Variants in KDM4C observed in about 807,000 individuals in gnomAD.
The protein encoded by KDM4C is lysine-specific demethylase 4C.
KDM4C carries 81 observed loss-of-function variants against 129.3 expected under a neutral mutation model. The ratio of observed to expected loss-of-function variants is 0.63; its 90% CI spans 0.52 to 0.75. The LOEUF (loss-of-function observed/expected upper bound fraction) is 0.75. KDM4C is among the 30% of genes least tolerant of loss of function. The probability of loss-of-function intolerance (pLI) is 0.00; values close to 1 mark genes in which losing one functional copy is unlikely to be tolerated. For synonymous variants in KDM4C, 573 were observed against 456.1 expected (o/e 1.26, Z -3.26); for missense variants, 1,457 against 1,304.0 (o/e 1.12, Z -1.81).
intron 18 of KDM4C, among the ~76,000 whole-genome samples, chr9:7,118,899 C>T (rs998946112): frequency 6.6e-6 from 1 of 152,154 alleles, no homozygotes; most frequent in Non-Finnish European, 1.5e-5. Flanking sequence ...ACAGGTCAGC[C>T]TTGCCAGGTC....
At chr9:6,918,490 T>A (rs1820742036) in intron 8 of KDM4C, among the ~76,000 whole-genome samples, 1 of 152,178 alleles carries the variant, frequency 6.6e-6, no homozygotes, top group Admixed American at 6.5e-5. Context: ...ATAGAGTGCA[T>A]GTGTCTTTTT....
upstream of KDM4C, chr9:6,757,771 C>T (rs549050366): frequency 2.1e-5 from 21 of 985,594 alleles, no homozygotes; most frequent in East Asian, 1.8e-3. Context: ...ACGCGAGTAT[C>T]TTTCCCCTCC....
intron 4 of KDM4C, among the ~76,000 whole-genome samples, chr9:6,826,616 A>G (rs541729307): frequency 6.6e-6 from 1 of 152,320 alleles, no homozygotes; most frequent in Admixed American, 6.5e-5. Context: ...CTGTGATCCC[A>G]GCACTTTGGG....
chr9:7,117,095 C>T (rs916291812), intron 18 of KDM4C, among the ~76,000 whole-genome samples: 12 of 152,262 alleles, frequency 7.9e-5, no homozygotes, highest in African/African-American at 2.6e-4. Flanking sequence ...CAGAGAGGTT[C>T]AACAGTCTTC....
At chr9:7,065,652 G>T (rs1038704279) in intron 17 of KDM4C, among the ~76,000 whole-genome samples, 7 of 152,138 alleles carry the variant, frequency 4.6e-5, no homozygotes, top group African/African-American at 9.7e-5. Context: ...AATTGACCGT[G>T]TCAAAATTTG....
At chr9:6,951,418 A>C (rs991234743) in intron 8 of KDM4C, among the ~76,000 whole-genome samples, 6 of 152,212 alleles carry the variant, frequency 3.9e-5, no homozygotes, top group African/African-American at 1.4e-4. Flanking sequence ...ATCTGATTAC[A>C]TTCTGGTGCC....
chr9:6,739,019 G>A (rs1817609072), intron 1 of KDM4C, among the ~76,000 whole-genome samples: 1 of 151,832 alleles, frequency 6.6e-6, no homozygotes, highest in Non-Finnish European at 1.5e-5. Flanking sequence ...TGGGATTACG[G>A]GCATGAGCCT....
intron 4 of KDM4C, among the ~76,000 whole-genome samples, chr9:6,821,378 ATC>A (rs1833003518): frequency 6.6e-6 from 1 of 152,132 alleles, no homozygotes; most frequent in Admixed American, 6.5e-5. Context: ...CCTCTCCAGC[ATC>A]TGTTGTTTCC....
intron 1 of KDM4C, among the ~76,000 whole-genome samples, chr9:6,764,509 A>G (rs1273602770): frequency 6.6e-6 from 1 of 152,232 alleles, no homozygotes; most frequent in Non-Finnish European, 1.5e-5. Flanking sequence ...ACTATGTGCC[A>G]TACACTGTGT....
chr9:7,121,284 G>C (rs1839455949), intron 18 of KDM4C, among the ~76,000 whole-genome samples: 1 of 152,150 alleles, frequency 6.6e-6, no homozygotes, highest in African/African-American at 2.4e-5. Context: ...TCTTGGCTGG[G>C]TTCTCTCACA....
chr9:7,080,189 G>A (rs1327437167), intron 17 of KDM4C, among the ~76,000 whole-genome samples: 4 of 152,176 alleles, frequency 2.6e-5, no homozygotes, highest in Non-Finnish European at 5.9e-5. Flanking sequence ...CACAGCCACA[G>A]GTATTGGAGC....
At chr9:7,137,378 A>G (rs1377998112) in intron 19 of KDM4C, among the ~76,000 whole-genome samples, 1 of 152,244 alleles carries the variant, frequency 6.6e-6, no homozygotes, top group African/African-American at 2.4e-5. Context: ...TGTTTCTTCT[A>G]ATAACTAACG....
intron 1 of KDM4C, among the ~76,000 whole-genome samples, chr9:6,747,306 G>A (rs543321268): frequency 9.9e-4 from 151 of 152,152 alleles, no homozygotes; most frequent in African/African-American, 3.5e-3. Context: ...CCAGCACTTT[G>A]GGAGGCCGAG....
chr9:7,056,833 A>G (rs938067084), intron 17 of KDM4C, among the ~76,000 whole-genome samples: 3 of 152,158 alleles, frequency 2.0e-5, no homozygotes, highest in African/African-American at 4.8e-5. Flanking sequence ...GTGATTACTG[A>G]CAGATCTTTT....
At chr9:7,052,642 A>G (rs1401835744) in intron 17 of KDM4C, among the ~76,000 whole-genome samples, 1 of 152,200 alleles carries the variant, frequency 6.6e-6, no homozygotes. Flanking sequence ...CCTATGAAAC[A>G]TGCATGCAGT....
At chr9:7,023,608 G>A (rs113268867) in intron 15 of KDM4C, among the ~76,000 whole-genome samples, 2,490 of 151,774 alleles carry the variant, frequency 0.016, 78 homozygotes, top group African/African-American at 0.057. Flanking sequence ...TTATTGATCT[G>A]TTGTGTTCTC....
At chr9:6,918,733 A>G (rs929990102) in intron 8 of KDM4C, among the ~76,000 whole-genome samples, 2 of 152,192 alleles carry the variant, frequency 1.3e-5, no homozygotes, top group Non-Finnish European at 2.9e-5. Flanking sequence ...TTGAGATGGT[A>G]GCTCATTGTG....
intron 2 of KDM4C, among the ~76,000 whole-genome samples, chr9:6,795,584 G>A (rs2130904744): frequency 6.6e-6 from 1 of 152,144 alleles, no homozygotes; most frequent in East Asian, 1.9e-4. Flanking sequence ...TGCCTTCCTT[G>A]GCCTCCCAAA....
intron 4 of KDM4C, among the ~76,000 whole-genome samples, chr9:6,832,140 C>G (rs1035182916): frequency 6.6e-6 from 1 of 151,852 alleles, no homozygotes; most frequent in Non-Finnish European, 1.5e-5. Flanking sequence ...AGATCGAGAG[C>G]ATCCTGGCTA....
Sources: allele counts gnomAD v4.1 joint callset (sites outside exome capture counted in the v4.1 genomes callset), GRCh38; gene constraint gnomAD v4.1.1; transcripts MANE v1.5; gene names NCBI Gene and HGNC (gene_info 2026-07-23, HGNC 2026-07-21).